RANBP2: variants seen among roughly 807,000 people sequenced by gnomAD.
The protein encoded by RANBP2 is RAN binding protein 2.
A neutral mutation model predicts 303.6 loss-of-function variants in RANBP2; 57 were observed. The ratio of observed to expected loss-of-function variants is 0.19; its 90% CI spans 0.15 to 0.23. The LOEUF is 0.23. RANBP2 is among the 10% of genes least tolerant of loss of function. RANBP2 has a pLI of 1.00. For missense variants in RANBP2, 3,138 were observed against 3,780.8 expected (o/e 0.83, Z 4.46); for synonymous variants, 1,167 against 1,301.5 (o/e 0.90, Z 2.23).
the RANBP2 span, among the ~76,000 whole-genome samples, chr2:109,154,950 G>C: frequency 6.6e-6 from 1 of 152,204 alleles, no homozygotes; most frequent in Non-Finnish European, 1.5e-5. Flanking sequence ...TGTCAAAAGA[G>C]GCTTTCCAGA....
At chr2:109,038,346 T>C in the RANBP2 span, among the ~76,000 whole-genome samples, 2 of 152,022 alleles carry the variant, frequency 1.3e-5, no homozygotes, top group Admixed American at 6.6e-5. Flanking sequence ...TAAAAAACTT[T>C]TGCTCTGGCC....
chr2:108,941,136 G>C, the RANBP2 span, among the ~76,000 whole-genome samples: 1 of 152,184 alleles, frequency 6.6e-6, no homozygotes, highest in African/African-American at 2.4e-5. Context: ...TATAATACCT[G>C]TGATGCGTCT....
chr2:109,240,419 C>T, the RANBP2 span, among the ~76,000 whole-genome samples: 4 of 152,138 alleles, frequency 2.6e-5, no homozygotes, highest in South Asian at 2.1e-4. Flanking sequence ...ACCTGGGAGG[C>T]GGAGCTTGCA....
the RANBP2 span, among the ~76,000 whole-genome samples, chr2:108,979,452 CTG>C: frequency 0.29 from 38,657 of 135,370 alleles, 5,567 homozygotes; most frequent in African/African-American, 0.41. Context: ...CTCTCTGTCT[CTG>C]TCTCTCTCTC....
chr2:108,791,616 T>C, the RANBP2 span: 2 of 1,559,056 alleles, frequency 1.3e-6, no homozygotes, highest in Non-Finnish European at 1.8e-6. Context: ...AGCAGTTTTA[T>C]CTTTTTAAAG....
chr2:109,288,408 T>A, the RANBP2 span, among the ~76,000 whole-genome samples: 1 of 152,182 alleles, frequency 6.6e-6, no homozygotes, highest in Non-Finnish European at 1.5e-5. Context: ...AAAGGAGGCA[T>A]TTGAATGTGG....
chr2:109,050,336 C>T, the RANBP2 span, among the ~76,000 whole-genome samples: 13 of 152,152 alleles, frequency 8.5e-5, no homozygotes, highest in African/African-American at 2.9e-4. Context: ...TCACTGCAGC[C>T]TCAAACTCCT....
At chr2:109,667,237 G>A in the RANBP2 span, 1 of 958,230 alleles carries the variant, frequency 1.0e-6, no homozygotes, top group Non-Finnish European at 1.7e-6. Context: ...GCAAACGCAG[G>A]CAAGGTGCTG....
the RANBP2 span, chr2:108,910,514 G>A: frequency 3.1e-5 from 50 of 1,613,738 alleles, no homozygotes; most frequent in Non-Finnish European, 3.9e-5. Context: ...ATCCTTCTCG[G>A]AGAACATCAC....
the RANBP2 span, among the ~76,000 whole-genome samples, chr2:109,316,627 G>A: frequency 1.3e-5 from 2 of 152,114 alleles, no homozygotes; most frequent in Non-Finnish European, 2.9e-5. Flanking sequence ...CTCCTGCCCC[G>A]CCCCCATGTG....
intron 7 of RANBP2, among the ~76,000 whole-genome samples, chr2:108,742,856 TC>T (rs1696220619): frequency 6.6e-6 from 1 of 152,198 alleles, no homozygotes; most frequent in African/African-American, 2.4e-5. Context: ...TGGCACGACC[TC>T]GGCTCACTGC....
the RANBP2 span, among the ~76,000 whole-genome samples, chr2:109,254,963 T>TGTG: frequency 6.6e-6 from 1 of 152,314 alleles, no homozygotes; most frequent in Non-Finnish European, 1.5e-5. Context: ...TGAACACCTA[T>TGTG]GTGGGGCTCT....
chr2:109,003,858 G>A, the RANBP2 span, among the ~76,000 whole-genome samples: 1 of 152,278 alleles, frequency 6.6e-6, no homozygotes, highest in East Asian at 1.9e-4. Flanking sequence ...ATTATATGAA[G>A]AGACACCAGC....
At chr2:108,900,115 C>T in the RANBP2 span, among the ~76,000 whole-genome samples, 2 of 151,992 alleles carry the variant, frequency 1.3e-5, no homozygotes, top group Non-Finnish European at 2.9e-5. Context: ...ACACCAAAAT[C>T]GAATTCTGAA....
At chr2:109,298,315 G>A in the RANBP2 span, among the ~76,000 whole-genome samples, 23 of 151,008 alleles carry the variant, frequency 1.5e-4, no homozygotes, top group Admixed American at 1.1e-3. Flanking sequence ...GAAGGGAAGC[G>A]CATCTATGTC....
the RANBP2 span, among the ~76,000 whole-genome samples, chr2:109,377,401 A>T: frequency 9.2e-5 from 14 of 152,286 alleles, no homozygotes; most frequent in Non-Finnish European, 1.6e-4. Context: ...GAAAAAGGCC[A>T]TAGCGTCAGT....
chr2:109,650,239 T>C, the RANBP2 span, among the ~76,000 whole-genome samples: 1 of 152,032 alleles, frequency 6.6e-6, no homozygotes, highest in Non-Finnish European at 1.5e-5. Context: ...GCCACACAGA[T>C]AGGAATTTAA....
chr2:108,969,213 C>CT, the RANBP2 span, among the ~76,000 whole-genome samples: 1,138 of 148,090 alleles, frequency 7.7e-3, 16 homozygotes, highest in African/African-American at 0.025. Flanking sequence ...TGACAACCTT[C>CT]TTTTTTTTTT....
At chr2:109,330,462 A>T in the RANBP2 span, among the ~76,000 whole-genome samples, 1 of 152,192 alleles carries the variant, frequency 6.6e-6, no homozygotes, top group Non-Finnish European at 1.5e-5. Flanking sequence ...CTAAATAAAC[A>T]TTCCATCTTC....
Sources: allele counts gnomAD v4.1 joint callset (sites outside exome capture counted in the v4.1 genomes callset), GRCh38; gene constraint gnomAD v4.1.1; transcripts MANE v1.5; gene names NCBI Gene and HGNC (gene_info 2026-07-23, HGNC 2026-07-21).